The following EZH2 variants were observed in gnomAD, a reference collection of about 807,000 sequenced individuals.
EZH2 encodes the protein histone-lysine N-methyltransferase EZH2.
EZH2 carries 18 observed loss-of-function variants against 98.4 expected under a neutral mutation model. The observed-to-expected ratio is 0.18, with a 90% confidence interval of 0.13 to 0.27. The LOEUF is 0.27. Ranked by LOEUF, EZH2 falls within the 10% of genes least tolerant of loss-of-function variation. The probability of loss-of-function intolerance (pLI) is 1.00; values close to 1 mark genes in which losing one functional copy is unlikely to be tolerated. For missense variants in EZH2, 470 were observed against 935.1 expected (o/e 0.50, Z 6.49); for synonymous variants, 338 against 312.3 (o/e 1.08, Z -0.87).
At chr7:148,820,321 C>T (rs533678049) in intron 8 of EZH2, among the ~76,000 whole-genome samples, 5 of 152,186 alleles carry the variant, frequency 3.3e-5, no homozygotes, top group East Asian at 1.9e-4. Flanking sequence ...GATTCAAATG[C>T]GGGTACACTG....
At position 148,827,158 on chromosome 7, in the gene EZH2, T is replaced by G. The variant is rs767095953; in HGVS notation, c.728+6A>C. 1.2e-6 allele frequency: 2 copies of G among 1,606,980 alleles called. No individual in the cohort carries two copies. The highest frequency in any genetic ancestry group is 1.1e-5 in the South Asian group (1 of 89,476). On this transcript the variant is annotated splice_donor_region_variant and intron_variant, in intron 7 of 19. Transcript: ENST00000320356. ...GCAAGATTGCCTCAAAGGAACAAAT[T>G]CTTACTTTTCCTTTAGTTCTTCTGC...
intron 8 of EZH2, 31 bp downstream of exon 8, chr7:148,826,420 AATT>A (rs769424183): frequency 1.3e-6 from 2 of 1,497,168 alleles, no homozygotes; most frequent in African/African-American, 2.8e-5. Context: ...TTTAAAACAT[AATT>A]CCACAACAAA....
intron 4 of EZH2, among the ~76,000 whole-genome samples, chr7:148,830,635 A>G (rs1192861642): frequency 6.6e-6 from 1 of 152,240 alleles, no homozygotes; most frequent in East Asian, 1.9e-4. Context: ...AAATATTTCA[A>G]TATTTAGATG....
chr7:148,859,280 T>C (rs1435458843), intron 1 of EZH2, among the ~76,000 whole-genome samples: 2 of 152,026 alleles, frequency 1.3e-5, no homozygotes, highest in African/African-American at 4.8e-5. Flanking sequence ...CTGAAGCAGG[T>C]GGATGACCTG....
chr7:148,865,842 A>G (rs1818360824), intron 1 of EZH2, among the ~76,000 whole-genome samples: 1 of 152,232 alleles, frequency 6.6e-6, no homozygotes, highest in Non-Finnish European at 1.5e-5. Flanking sequence ...AGAACCTCTC[A>G]TAATTTCCAG....
chr7:148,819,713 C>G (rs752209216), intron 8 of EZH2, 26 bp from the exon 9 acceptor site: 2 of 1,583,418 alleles, frequency 1.3e-6, no homozygotes, highest in Non-Finnish European at 8.7e-7. Flanking sequence ...AACAAAGAAT[C>G]TAATATAACT....
chr7:148,828,921 T>C (rs2129476498), intron 5 of EZH2, 41 bp from the exon 6 acceptor site: 5 of 1,559,962 alleles, frequency 3.2e-6, no homozygotes, highest in South Asian at 1.2e-5. Context: ...GGAGAAGCAA[T>C]AATGTCAAAA....
chr7:148,867,197 GC>G (rs903005968), intron 1 of EZH2, among the ~76,000 whole-genome samples: 18 of 151,978 alleles, frequency 1.2e-4, no homozygotes, highest in African/African-American at 4.3e-4. Flanking sequence ...ATGGTGGTAG[GC>G]AACTGTAATC....
chr7:148,880,874 A>C (rs577293988), intron 1 of EZH2, among the ~76,000 whole-genome samples: 1 of 152,232 alleles, frequency 6.6e-6, no homozygotes, highest in Non-Finnish European at 1.5e-5. Flanking sequence ...AGGCACTTTG[A>C]CTGTAGGGAA....
chr7:148,845,957 G>A (rs1813903093), intron 3 of EZH2, among the ~76,000 whole-genome samples: 1 of 152,184 alleles, frequency 6.6e-6, no homozygotes, highest in Non-Finnish European at 1.5e-5. Flanking sequence ...AACTCTTGGA[G>A]TAATTAAGAG....
chr7:148,809,037 C>T (rs1563186827), intron 19 of EZH2, 34 bp downstream of exon 19: 2 of 1,568,298 alleles, frequency 1.3e-6, no homozygotes, highest in South Asian at 1.1e-5. Flanking sequence ...AGAAAAAGCC[C>T]TTAGAGATCA....
intron 1 of EZH2, among the ~76,000 whole-genome samples, chr7:148,854,457 T>C (rs2129487035): frequency 6.6e-6 from 1 of 151,260 alleles, no homozygotes; most frequent in East Asian, 1.9e-4. Flanking sequence ...AAAAAAATTC[T>C]ACCTCAAGGA....
chr7:148,814,286 G>C (rs754435030), intron 14 of EZH2, 149 bp from the exon 15 acceptor site: 3 of 669,872 alleles, frequency 4.5e-6, no homozygotes, highest in Admixed American at 2.9e-5. Context: ...GGAAATGGAA[G>C]TATTAACAGC....
chr7:148,826,428 A>C (rs748116015), intron 8 of EZH2, 26 bp downstream of exon 8: 1 of 1,520,966 alleles, frequency 6.6e-7, no homozygotes, highest in Admixed American at 1.9e-5. Flanking sequence ...ATAATTCCAC[A>C]ACAAAGATAG....
intron 10 of EZH2, chr7:148,817,674 A>C (rs990142137): frequency 7.4e-5 from 56 of 752,614 alleles, no homozygotes; most frequent in Non-Finnish European, 1.0e-4. Context: ...GCTTTCAAAC[A>C]ACCAAGCAGG....
At chr7:148,862,899 T>TG (rs1817895032) in intron 1 of EZH2, among the ~76,000 whole-genome samples, 1 of 146,902 alleles carries the variant, frequency 6.8e-6, no homozygotes, top group African/African-American at 2.5e-5. Flanking sequence ...AACATGGTTT[T>TG]TTTGTTTGTT....
rs552184279 is a variant in EZH2 at position 148,838,764 on chromosome 7, T to C, written c.247-6014A>G. Reference sequence around the variant, plus strand: ...ACAAAGTAGTAGAGGTTCAAGTGAGTGGGCAAGACCAGGCGCAGTGGCTCA... The same window carrying C: ...ACAAAGTAGTAGAGGTTCAAGTGAGCGGGCAAGACCAGGCGCAGTGGCTCA... On this transcript the variant is annotated intron_variant, in intron 3 of 19. Transcript: ENST00000320356. Among the ~76,000 whole-genome samples the C allele has an allele frequency of 2.3e-4, 35 of 152,188 alleles. 1 individual carries two copies. The highest frequency in any genetic ancestry group is 2.3e-3 in the South Asian group (11 of 4,830).
chr7:148,866,365 G>C (rs774193376), intron 1 of EZH2, among the ~76,000 whole-genome samples: 1 of 151,680 alleles, frequency 6.6e-6, no homozygotes, highest in Admixed American at 6.6e-5. Flanking sequence ...TTATACAAGA[G>C]TCTGACTGAG....
chr7:148,807,473 G>A lies in EZH2; in HGVS notation c.*173C>T. ...ACTGGTACAAAACACTTTGCAGCTG[G>A]TGAGAAGGCAATAAAAAGTTGATTT... On this transcript the variant is annotated 3_prime_UTR_variant, in exon 20 of 20. Transcript: ENST00000320356. 1.6e-6 allele frequency: 1 copy of A among 611,756 alleles called. No individual in the cohort carries two copies. The highest frequency in any genetic ancestry group is 2.9e-6 in the Non-Finnish European group (1 of 341,442). 37.9% of individuals were successfully genotyped at this position (611,756 alleles called of 1,614,324 possible).
Sources: gnomAD v4.1 joint callset for allele counts (sites outside exome capture counted in the v4.1 genomes callset) on GRCh38, gnomAD v4.1.1 for gene constraint, MANE v1.5 for transcripts, NCBI Gene and HGNC (gene_info 2026-07-23, HGNC 2026-07-21) for gene names.